The following PCDHA1 variants were observed in gnomAD, a reference collection of about 807,000 sequenced individuals.
PCDHA1 encodes protocadherin alpha-1.
PCDHA1 carries 42 observed loss-of-function variants against 61.3 expected under a neutral mutation model. That is an observed-to-expected ratio of 0.69 (90% CI 0.54 to 0.89). The LOEUF (loss-of-function observed/expected upper bound fraction) is 0.89, where lower values mean the gene tolerates loss of function less well. PCDHA1 is among the 40% of genes least tolerant of loss of function. PCDHA1 has a pLI of 0.00. For missense variants in PCDHA1, 1,256 were observed against 1,235.3 expected (o/e 1.02, Z -0.25); for synonymous variants, 610 against 553.8 (o/e 1.10, Z -1.43).
intron 1 of PCDHA1, among the ~76,000 whole-genome samples, chr5:140,971,680 A>C (rs185214999): frequency 1.1e-4 from 17 of 152,268 alleles, no homozygotes; most frequent in African/African-American, 4.1e-4. Context: ...AGAGTAAGGG[A>C]ATTTGTACTC....
At chr5:140,840,931 G>T (rs529661807) in intron 1 of PCDHA1, among the ~76,000 whole-genome samples, 1 of 151,938 alleles carries the variant, frequency 6.6e-6, no homozygotes, top group Non-Finnish European at 1.5e-5. Flanking sequence ...TAATTGATAC[G>T]ATATTTGAAA....
intron 1 of PCDHA1, chr5:140,870,414 G>A (rs374225281): frequency 4.0e-5 from 64 of 1,614,112 alleles, no homozygotes; most frequent in Non-Finnish European, 5.0e-5. Context: ...TGTGGGCCAC[G>A]GCCAGGGTAT....
At chr5:140,953,413 C>T (rs965115726) in intron 1 of PCDHA1, among the ~76,000 whole-genome samples, 1 of 152,120 alleles carries the variant, frequency 6.6e-6, no homozygotes, top group Non-Finnish European at 1.5e-5. Context: ...GCTCCTGGCT[C>T]CTCCCCTTTG....
chr5:140,833,072 T>G (rs1212811880), intron 1 of PCDHA1, among the ~76,000 whole-genome samples: 2 of 152,190 alleles, frequency 1.3e-5, no homozygotes, highest in African/African-American at 4.8e-5. Flanking sequence ...AAACCTTTTG[T>G]ATAACTTTGA....
intron 1 of PCDHA1, chr5:140,926,832 G>C: frequency 6.6e-7 from 1 of 1,505,338 alleles, no homozygotes; most frequent in Non-Finnish European, 8.9e-7. Context: ...GGAGTCCGGA[G>C]CATGGTCCTG....
chr5:140,967,332 C>T (rs1269679357), intron 1 of PCDHA1: 2 of 1,607,906 alleles, frequency 1.2e-6, no homozygotes, highest in Non-Finnish European at 1.7e-6. Context: ...GAGCTCAGCC[C>T]CAGCGAGCAC....
intron 1 of PCDHA1, among the ~76,000 whole-genome samples, chr5:140,833,185 A>G (rs1772342478): frequency 6.6e-6 from 1 of 152,226 alleles, no homozygotes; most frequent in African/African-American, 2.4e-5. Flanking sequence ...GACTGCAAGG[A>G]TTAAATGAAG....
At chr5:140,936,628 T>C (rs1208761817) in intron 1 of PCDHA1, among the ~76,000 whole-genome samples, 5 of 152,258 alleles carry the variant, frequency 3.3e-5, no homozygotes, top group Non-Finnish European at 7.3e-5. Flanking sequence ...GTGCTACCTT[T>C]GTCATAAGCA....
chr5:140,998,423 T>C (rs1248330149), intron 3 of PCDHA1, among the ~76,000 whole-genome samples: 1 of 152,248 alleles, frequency 6.6e-6, no homozygotes, highest in African/African-American at 2.4e-5. Context: ...ACCTGGTTTA[T>C]CCTTTAACAC....
chr5:140,808,288 A>T lies in PCDHA1; in HGVS notation c.2394+19604A>T, dbSNP rs558368173. 3.7e-5 allele frequency: 59 copies of T among 1,614,276 alleles called. No homozygotes were observed. In the East Asian group the frequency reaches 1.2e-3, roughly 32 times the overall value. ...TTAGAGAGGACGCTCCACTGGGTAC[A>T]GTCATCGCCCTGATCAGCGTGTCCG... On this transcript the variant is annotated intron_variant, in intron 1 of 3. Coordinates refer to ENST00000504120, the MANE Select transcript of PCDHA1 (RefSeq NM_018900.4).
At position 140,966,655 on chromosome 5, in the gene PCDHA1, G is replaced by T. The variant is rs576875582; in HGVS notation, c.2395-12294G>T. The T allele has an allele frequency of 2.6e-5, 31 of 1,195,250 alleles. No homozygotes were observed. In the South Asian group the frequency reaches 4.0e-4, roughly 15 times the overall value. 74.0% of individuals were successfully genotyped at this position (1,195,250 alleles called of 1,614,324 possible). On this transcript the variant is annotated intron_variant, in intron 1 of 3. Coordinates refer to ENST00000504120, the MANE Select transcript of PCDHA1 (RefSeq NM_018900.4). ...AGGCGCTTTCTAGAGCGTGAGCGGT[G>T]GGGGAGCAGGCGCAGGGTGGCACGA...
intron 1 of PCDHA1, among the ~76,000 whole-genome samples, chr5:140,846,986 C>A (rs1780801174): frequency 6.7e-6 from 1 of 149,066 alleles, no homozygotes; most frequent in South Asian, 2.1e-4. Flanking sequence ...AGTAAGTTCC[C>A]CCCGGGAGAA....
At chr5:140,822,091 G>T in intron 1 of PCDHA1, 1 of 1,614,242 alleles carries the variant, frequency 6.2e-7, no homozygotes, top group Non-Finnish European at 8.5e-7. Context: ...CATCCACCTG[G>T]AGGTGATCGT....
At chr5:140,927,827 C>T (rs1554205116) in intron 1 of PCDHA1, 2 of 1,614,100 alleles carry the variant, frequency 1.2e-6, no homozygotes, top group South Asian at 2.2e-5. Flanking sequence ...TACATTGAGG[C>T]GAGGGACGAA....
chr5:140,925,027 C>A (rs1238112043), intron 1 of PCDHA1, among the ~76,000 whole-genome samples: 1 of 151,680 alleles, frequency 6.6e-6, no homozygotes, highest in Non-Finnish European at 1.5e-5. Flanking sequence ...GGGAGGATCG[C>A]TTGAGCCCAG....
intron 1 of PCDHA1, chr5:140,870,259 T>G: frequency 6.2e-7 from 1 of 1,614,190 alleles, no homozygotes; most frequent in African/African-American, 1.3e-5. Flanking sequence ...ACAGGTGACC[T>G]GCTCGCTGAC....
intron 1 of PCDHA1, among the ~76,000 whole-genome samples, chr5:140,977,356 T>C (rs1563455891): frequency 6.6e-6 from 1 of 152,250 alleles, no homozygotes; most frequent in African/African-American, 2.4e-5. Flanking sequence ...GACTGATTGA[T>C]AAAAAGTATT....
At chr5:140,992,261 G>A (rs1056414788) in intron 3 of PCDHA1, among the ~76,000 whole-genome samples, 1 of 152,172 alleles carries the variant, frequency 6.6e-6, no homozygotes, top group Non-Finnish European at 1.5e-5. Context: ...AAAGATGAAA[G>A]TTCTTTTCGT....
chr5:141,005,798 C>T (rs1236554438), intron 3 of PCDHA1, among the ~76,000 whole-genome samples: 1 of 143,634 alleles, frequency 7.0e-6, no homozygotes, highest in African/African-American at 2.6e-5. Context: ...GCAAAAACAA[C>T]TCCAAGGAGC....
Sources: allele counts gnomAD v4.1 joint callset (sites outside exome capture counted in the v4.1 genomes callset), GRCh38; gene constraint gnomAD v4.1.1; transcripts MANE v1.5; gene names NCBI Gene and HGNC (gene_info 2026-07-23, HGNC 2026-07-21).